TENM2: variants seen among roughly 807,000 people sequenced by gnomAD.
The protein encoded by TENM2 is teneurin transmembrane protein 2.
In TENM2, 52 loss-of-function variants were observed where a neutral mutation model predicts 245.2. The ratio of observed to expected loss-of-function variants is 0.21; its 90% CI spans 0.17 to 0.27. The LOEUF (loss-of-function observed/expected upper bound fraction) is 0.27. Ranked by LOEUF, TENM2 falls within the 10% of genes least tolerant of loss-of-function variation. The pLI is 1.00. For missense variants in TENM2, 3,046 were observed against 3,666.8 expected, an observed-to-expected ratio of 0.83 and a Z score of 4.37; for synonymous variants, 1,363 against 1,438.9, an observed-to-expected ratio of 0.95 and a Z score of 1.19.
rs1766691552 is a variant in TENM2, at chr5:168,247,484, T to C, written c.6545T>C (p.Met2182Thr). 6.2e-7 allele frequency: 1 copy of C among 1,612,422 alleles called. No homozygotes were observed. The change falls in exon 27 of 29, where the codon ATG becomes ACG. Residue 2182 changes from methionine to threonine, a missense_variant. Met to Thr is a moderately conservative substitution (Grantham distance 81). Transcript: ENST00000518659. This position sits in a 1 kb window ranked among gnomAD's most constrained non-coding sequence, Gnocchi z 7.8. ...TGGATGACGGTGCAATATGACAGCA[T>C]GGGCAGGGTGATCAAGAGGGAGCTA...
the TENM2 span, among the ~76,000 whole-genome samples, chr5:167,060,738 A>C: frequency 2.6e-5 from 4 of 151,826 alleles, no homozygotes; most frequent in African/African-American, 7.3e-5. Flanking sequence ...TCATTTCAAC[A>C]TGTAATTAAT....
At chr5:167,721,481 A>G (rs1759626661) in intron 2 of TENM2, 1 of 152,220 alleles carries the variant, frequency 6.6e-6, no homozygotes, top group Non-Finnish European at 1.5e-5. Flanking sequence ...TCTGGAGCAC[A>G]TAGCAAAGAT....
chr5:167,767,892 G>T (rs1161802517), intron 2 of TENM2, among the ~76,000 whole-genome samples: 1 of 152,156 alleles, frequency 6.6e-6, no homozygotes, highest in South Asian at 2.1e-4. Context: ...ATGACAAGGA[G>T]AGCTTTATTT....
the TENM2 span, among the ~76,000 whole-genome samples, chr5:167,148,654 T>C: frequency 1.3e-5 from 2 of 152,166 alleles, no homozygotes; most frequent in Non-Finnish European, 2.9e-5. Flanking sequence ...GATATTCAGG[T>C]GCCTTCTTAG....
chr5:168,145,779 C>T (rs1359643231), intron 12 of TENM2, among the ~76,000 whole-genome samples: 1 of 149,842 alleles, frequency 6.7e-6, no homozygotes, highest in Non-Finnish European at 1.5e-5. Flanking sequence ...GCAGTATGGC[C>T]ATTTTCACGA....
chr5:168,049,665 T>C (rs1047780951), intron 6 of TENM2, among the ~76,000 whole-genome samples: 2 of 152,228 alleles, frequency 1.3e-5, no homozygotes, highest in Non-Finnish European at 2.9e-5. Context: ...ACACTTTCCA[T>C]TGTGTCTTTG....
chr5:167,357,077 T>A (rs958319327), intron 1 of TENM2, among the ~76,000 whole-genome samples: 12 of 152,168 alleles, frequency 7.9e-5, no homozygotes, highest in Admixed American at 2.6e-4. Context: ...ACATTTTTTT[T>A]AAATCTAAAT....
chr5:167,264,673 T>G, the TENM2 span, among the ~76,000 whole-genome samples: 1 of 152,180 alleles, frequency 6.6e-6, no homozygotes, highest in African/African-American at 2.4e-5. Flanking sequence ...CAAGATATTT[T>G]TATGCGTCCG....
At chr5:167,045,275 T>C in the TENM2 span, among the ~76,000 whole-genome samples, 5 of 152,206 alleles carry the variant, frequency 3.3e-5, no homozygotes, top group Admixed American at 2.0e-4. Context: ...CTCACTGTTC[T>C]TCAGTTTCCT....
the TENM2 span, among the ~76,000 whole-genome samples, chr5:167,197,681 T>A: frequency 3.3e-5 from 5 of 152,090 alleles, no homozygotes; most frequent in South Asian, 8.3e-4. Flanking sequence ...GATAAATATA[T>A]GTTCTTCCAT....
At chr5:168,190,187 G>A (rs1470609434) in intron 13 of TENM2, 150 bp from the exon 16 acceptor site, 1 of 576,880 alleles carries the variant, frequency 1.7e-6, no homozygotes, top group African/African-American at 1.9e-5. Context: ...ATTGGAATTG[G>A]ATGAGGCTTG....
intron 1 of TENM2, among the ~76,000 whole-genome samples, chr5:167,364,935 GAAA>G (rs1005556969): frequency 2.5e-4 from 38 of 151,928 alleles, no homozygotes; most frequent in African/African-American, 8.7e-4. Flanking sequence ...TAGAGAATTT[GAAA>G]AACGTTGTTG....
intron 3 of TENM2, among the ~76,000 whole-genome samples, chr5:167,929,088 A>T (rs1202387948): frequency 2.3e-5 from 3 of 132,530 alleles, no homozygotes; most frequent in African/African-American, 9.0e-5. Context: ...AAAGAAAGAA[A>T]GAAAGAAAGA....
the TENM2 span, among the ~76,000 whole-genome samples, chr5:167,118,023 C>A: frequency 3.9e-5 from 6 of 152,178 alleles, no homozygotes; most frequent in Non-Finnish European, 5.9e-5. Context: ...ACACTTCTTT[C>A]TACTATCCAA....
intron 4 of TENM2, among the ~76,000 whole-genome samples, chr5:167,983,534 T>A (rs992573725): frequency 6.6e-6 from 1 of 152,162 alleles, no homozygotes; most frequent in African/African-American, 2.4e-5. Context: ...CAGTCCCCTA[T>A]GAGCCGAAAG....
intron 9 of TENM2, among the ~76,000 whole-genome samples, chr5:168,101,023 A>C (rs1427117420): frequency 6.6e-6 from 1 of 151,824 alleles, no homozygotes. Context: ...TGCCAGGCTT[A>C]GTGCACTCTG....
chr5:167,307,836 C>T (rs1356213447), intron 1 of TENM2: 1 of 152,214 alleles, frequency 6.6e-6, no homozygotes, highest in African/African-American at 2.4e-5. Flanking sequence ...ACAATGTTAA[C>T]ACTGGGACTG....
At chr5:166,996,422 C>A in the TENM2 span, among the ~76,000 whole-genome samples, 1 of 152,172 alleles carries the variant, frequency 6.6e-6, no homozygotes, top group Non-Finnish European at 1.5e-5. Context: ...TGCCTGCATC[C>A]ATAAATAAAG....
intron 2 of TENM2, among the ~76,000 whole-genome samples, chr5:167,807,626 A>ATTT (rs1561803834): frequency 1.6e-3 from 47 of 29,720 alleles, no homozygotes; most frequent in Non-Finnish European, 1.6e-3. Flanking sequence ...ATTTTTTTTA[A>ATTT]AAAAAAAAAA....
Sources: gnomAD v4.1 joint callset for allele counts (sites outside exome capture counted in the v4.1 genomes callset) on GRCh38, gnomAD v4.1.1 for gene constraint, Gnocchi (gnomAD v3.1) non-coding constraint, MANE v1.5 for transcripts, NCBI Gene and HGNC (gene_info 2026-07-23, HGNC 2026-07-21) for gene names.